NRXN1: variants seen among roughly 807,000 people sequenced by gnomAD.
NRXN1 encodes the protein neurexin-1.
Under a neutral mutation model 150.9 loss-of-function variants are expected in NRXN1, and 39 were observed. The ratio of observed to expected loss-of-function variants is 0.26; its 90% CI spans 0.20 to 0.34. NRXN1 has a LOEUF of 0.34. Ranked by LOEUF, NRXN1 falls within the 10% of genes least tolerant of loss-of-function variation. The probability of loss-of-function intolerance (pLI) is 1.00; values close to 1 mark genes in which losing one functional copy is unlikely to be tolerated. For missense variants in NRXN1, 1,815 were observed against 1,949.9 expected (o/e 0.93, Z 1.30); for synonymous variants, 924 against 757.0 (o/e 1.22, Z -3.62).
chr2:50,195,201 T>C (rs58499876), intron 18 of NRXN1, among the ~76,000 whole-genome samples: 4,210 of 152,312 alleles, frequency 0.028, 210 homozygotes, highest in African/African-American at 0.096. Context: ...ATGCAGAGAA[T>C]GCAAGATTTG....
intron 8 of NRXN1, among the ~76,000 whole-genome samples, chr2:50,603,362 A>G (rs1255240297): frequency 6.6e-6 from 1 of 152,158 alleles, no homozygotes; most frequent in East Asian, 1.9e-4. Flanking sequence ...GGCTGTGGGG[A>G]CGTGGGCAGA....
In NRXN1 at chr2:50,391,467, A is replaced by C. The variant is rs533787140; in HGVS notation, c.3364+73975T>G. On this transcript the variant is annotated intron_variant, in intron 17 of 22. Transcript: ENST00000401669. Reference sequence around the variant, plus strand: ...CTTGGGAAGAGAATCCATGTGTTTCAAATTTACATTACATTTGAAATACAA... The same window carrying C: ...CTTGGGAAGAGAATCCATGTGTTTCCAATTTACATTACATTTGAAATACAA... Among the ~76,000 whole-genome samples the C allele has an allele frequency of 8.5e-5, 13 of 152,296 alleles. No individual in the cohort carries two copies. The South Asian group carries it at 2.7e-3, about 32-fold the overall frequency.
At chr2:50,585,431 G>C (rs1043599523) in intron 8 of NRXN1, among the ~76,000 whole-genome samples, 1 of 151,744 alleles carries the variant, frequency 6.6e-6, no homozygotes, top group Non-Finnish European at 1.5e-5. Flanking sequence ...AGATGAAAAA[G>C]TTTTGGATAT....
intron 18 of NRXN1, among the ~76,000 whole-genome samples, chr2:50,186,083 A>G (rs1479684393): frequency 2.0e-5 from 3 of 152,122 alleles, no homozygotes; most frequent in Non-Finnish European, 4.4e-5. Context: ...TAAGTAAAAT[A>G]TATTGAAACT....
chr2:50,078,085 A>G (rs1347820322), intron 19 of NRXN1, among the ~76,000 whole-genome samples: 1 of 152,088 alleles, frequency 6.6e-6, no homozygotes, highest in Non-Finnish European at 1.5e-5. Context: ...AAGGCTTCAT[A>G]CTTCAAAAGG....
intron 2 of NRXN1, among the ~76,000 whole-genome samples, chr2:50,944,430 G>A (rs532908509): frequency 6.6e-6 from 1 of 152,024 alleles, no homozygotes; most frequent in African/African-American, 2.4e-5. Context: ...TACTTCATAG[G>A]ATTATTTTAA....
At chr2:50,421,113 A>G (rs1235803865) in intron 17 of NRXN1, among the ~76,000 whole-genome samples, 1 of 151,838 alleles carries the variant, frequency 6.6e-6, no homozygotes, top group Non-Finnish European at 1.5e-5. Flanking sequence ...GGAGACATTA[A>G]TAATGCAGAA....
chr2:50,118,840 A>G (rs1000872365), intron 18 of NRXN1, among the ~76,000 whole-genome samples: 5 of 152,154 alleles, frequency 3.3e-5, no homozygotes, highest in Non-Finnish European at 5.9e-5. Context: ...TTCTTCTAAC[A>G]TAAGTCTGGA....
chr2:50,438,861 T>G (rs1223765617), intron 17 of NRXN1, among the ~76,000 whole-genome samples: 1 of 152,226 alleles, frequency 6.6e-6, no homozygotes, highest in Non-Finnish European at 1.5e-5. Flanking sequence ...TTCTCCAAAA[T>G]AGATCTTCTG....
chr2:50,386,669 G>A (rs540583549), intron 17 of NRXN1, among the ~76,000 whole-genome samples: 1 of 152,238 alleles, frequency 6.6e-6, no homozygotes, highest in African/African-American at 2.4e-5. Context: ...CAATGATTCA[G>A]GATACCAAGT....
chr2:49,926,240 T>C (rs1415167919), intron 22 of NRXN1: 2 of 397,646 alleles, frequency 5.0e-6, no homozygotes, highest in Non-Finnish European at 8.9e-6. Flanking sequence ...TTTAGCCAAA[T>C]GGCTATAGAA....
chr2:50,527,670 T>G (rs2092992382), intron 12 of NRXN1, among the ~76,000 whole-genome samples: 1 of 152,272 alleles, frequency 6.6e-6, no homozygotes, highest in East Asian at 1.9e-4. Flanking sequence ...TTCGCAAGTT[T>G]AAGACCTCTA....
chr2:50,887,614 G>A (rs1680452196), intron 5 of NRXN1, among the ~76,000 whole-genome samples: 1 of 151,386 alleles, frequency 6.6e-6, no homozygotes, highest in Admixed American at 6.6e-5. Flanking sequence ...ATGTCTATGA[G>A]TCAAAATGAT....
intron 17 of NRXN1, among the ~76,000 whole-genome samples, chr2:50,256,072 G>T (rs900934056): frequency 6.6e-6 from 1 of 152,160 alleles, no homozygotes; most frequent in African/African-American, 2.4e-5. Context: ...TTTTGAAACA[G>T]CAGGCAGTAT....
intron 17 of NRXN1, among the ~76,000 whole-genome samples, chr2:50,417,648 G>C (rs1473402713): frequency 6.6e-6 from 1 of 151,832 alleles, no homozygotes; most frequent in Non-Finnish European, 1.5e-5. Flanking sequence ...CTAAATAAGT[G>C]TGAAAACCCT....
intron 2 of NRXN1, among the ~76,000 whole-genome samples, chr2:50,952,292 G>A (rs992868373): frequency 3.3e-5 from 5 of 152,176 alleles, no homozygotes; most frequent in African/African-American, 9.6e-5. Context: ...TACTGAATAT[G>A]AGACCCTGTC....
At chr2:50,426,539 G>A (rs561257641) in intron 17 of NRXN1, among the ~76,000 whole-genome samples, 2 of 152,268 alleles carry the variant, frequency 1.3e-5, no homozygotes, top group African/African-American at 4.8e-5. Flanking sequence ...CCCAGTACAT[G>A]GTGACATGTA....
chr2:50,993,295 G>A (rs1272308388), intron 2 of NRXN1, among the ~76,000 whole-genome samples: 2 of 151,888 alleles, frequency 1.3e-5, no homozygotes, highest in African/African-American at 4.8e-5. Flanking sequence ...AATTTATACT[G>A]TATGCACATT....
chr2:50,785,692 A>G (rs139733841), intron 5 of NRXN1, among the ~76,000 whole-genome samples: 134 of 152,290 alleles, frequency 8.8e-4, no homozygotes, highest in African/African-American at 3.1e-3. Context: ...AGTCTGAAGA[A>G]GCAGAAAGCC....
Sources: allele counts gnomAD v4.1 joint callset (sites outside exome capture counted in the v4.1 genomes callset), GRCh38; gene constraint gnomAD v4.1.1; transcripts MANE v1.5; gene names NCBI Gene and HGNC (gene_info 2026-07-23, HGNC 2026-07-21).